Variants in FHIP1A observed in about 807,000 individuals in gnomAD.
FHIP1A encodes FHF complex subunit HOOK-interacting protein 1A.
A neutral mutation model predicts 88.6 loss-of-function variants in FHIP1A; 61 were observed. That is an observed-to-expected ratio of 0.69 (90% CI 0.56 to 0.85). The LOEUF (loss-of-function observed/expected upper bound fraction) is 0.85, where lower values mean the gene tolerates loss of function less well. Ranked by LOEUF, FHIP1A falls within the 40% of genes least tolerant of loss-of-function variation. FHIP1A has a pLI of 0.00. For missense variants in FHIP1A, 1,154 were observed against 1,273.5 expected (o/e 0.91, Z 1.43); for synonymous variants, 478 against 496.0 (o/e 0.96, Z 0.48).
At chr4:151,452,145 A>G (rs911032731) in intron 1 of FHIP1A, among the ~76,000 whole-genome samples, 2 of 152,208 alleles carry the variant, frequency 1.3e-5, no homozygotes, top group Non-Finnish European at 2.9e-5. Context: ...TTTTCAAGTT[A>G]AACCTCAACA....
chr4:151,424,113 G>A lies in FHIP1A; in HGVS notation c.-356+14648G>A, dbSNP rs142128939. ...GTGTCAGTTTTCTCCACATTTTGGG[G>A]TGTGGCTGCAGCAAGCCAGAGATCA... is the stretch of plus-strand genomic sequence containing the variant. On this transcript the variant is annotated intron_variant, in intron 1 of 13. Transcript: ENST00000435205. Among the ~76,000 whole-genome samples, 1,488 of 152,218 alleles carry A rather than the reference G, an allele frequency of 9.8e-3. 13 individuals are homozygous for A. Among genetic ancestry groups the A allele is most frequent in the Non-Finnish European group, 0.017 (1,138 of 68,004 alleles).
intron 1 of FHIP1A, among the ~76,000 whole-genome samples, chr4:151,447,386 T>C (rs1292736607): frequency 6.6e-6 from 1 of 152,134 alleles, no homozygotes; most frequent in Admixed American, 6.6e-5. Context: ...TTGTAAACAT[T>C]TGGAATGTTT....
chr4:151,478,267 CATTT>C (rs1217108693), intron 2 of FHIP1A, among the ~76,000 whole-genome samples: 2 of 152,094 alleles, frequency 1.3e-5, no homozygotes, highest in Non-Finnish European at 2.9e-5. Context: ...GTGTAAAAAA[CATTT>C]ATACAAGATG....
At chr4:151,480,518 C>T (rs1432249498) in intron 2 of FHIP1A, among the ~76,000 whole-genome samples, 1 of 151,930 alleles carries the variant, frequency 6.6e-6, no homozygotes, top group Non-Finnish European at 1.5e-5. Context: ...CTGTATCTCT[C>T]CAGCACATGA....
At chr4:151,503,897 C>A (rs1283720918) in intron 3 of FHIP1A, among the ~76,000 whole-genome samples, 1 of 152,174 alleles carries the variant, frequency 6.6e-6, no homozygotes, top group Non-Finnish European at 1.5e-5. Context: ...CTGTTCCCAT[C>A]CTTAGGAATC....
chr4:151,514,907 A>G (rs1183743076), intron 3 of FHIP1A, among the ~76,000 whole-genome samples: 1 of 152,146 alleles, frequency 6.6e-6, no homozygotes, highest in East Asian at 1.9e-4. Flanking sequence ...CCTTCTGAAA[A>G]TATTCCAATC....
intron 5 of FHIP1A, among the ~76,000 whole-genome samples, chr4:151,580,920 C>T (rs559418541): frequency 1.1e-4 from 16 of 152,250 alleles, no homozygotes; most frequent in African/African-American, 3.9e-4. Context: ...TGCAGTGGTG[C>T]GATCTCGGCT....
intron 3 of FHIP1A, among the ~76,000 whole-genome samples, chr4:151,540,981 A>T (rs1398689830): frequency 6.6e-6 from 1 of 152,218 alleles, no homozygotes; most frequent in Non-Finnish European, 1.5e-5. Flanking sequence ...CAGTAGAATA[A>T]TATCCTCGTG....
chr4:151,460,149 AC>A (rs1729098312), intron 2 of FHIP1A, among the ~76,000 whole-genome samples: 1 of 152,156 alleles, frequency 6.6e-6, no homozygotes, highest in South Asian at 2.1e-4. Context: ...ATACCAACAT[AC>A]TGTTTATTTA....
chr4:151,493,936 C>T (rs1202255233), intron 3 of FHIP1A, among the ~76,000 whole-genome samples: 1 of 152,132 alleles, frequency 6.6e-6, no homozygotes, highest in Non-Finnish European at 1.5e-5. Flanking sequence ...CCCACTTTCA[C>T]CACTTCTATT....
At chr4:151,496,673 C>G (rs141752055) in intron 3 of FHIP1A, among the ~76,000 whole-genome samples, 104 of 147,670 alleles carry the variant, frequency 7.0e-4, no homozygotes, top group Admixed American at 1.5e-3. Flanking sequence ...CCATCTCAGT[C>G]ACTCTAGTAG....
At chr4:151,488,032 G>A (rs907799531) in intron 3 of FHIP1A, among the ~76,000 whole-genome samples, 1 of 152,078 alleles carries the variant, frequency 6.6e-6, no homozygotes, top group Non-Finnish European at 1.5e-5. Context: ...TCATTGTAAG[G>A]GTTCTGGTCC....
At chr4:151,558,682 C>T (rs901865423) in intron 3 of FHIP1A, among the ~76,000 whole-genome samples, 12 of 152,138 alleles carry the variant, frequency 7.9e-5, no homozygotes, top group African/African-American at 1.9e-4. Context: ...TTACTTTGAC[C>T]GATTTCGTTG....
rs180834378 is a variant in FHIP1A at position 151,590,482 on chromosome 4, C to G, written c.978+1556C>G. On this transcript the variant is annotated intron_variant, in intron 7 of 13. Coordinates refer to ENST00000435205, the MANE Select transcript of FHIP1A (RefSeq NM_001109977.3). ...TACTGGTCACCACACACTACTTCTT[C>G]ATATCACTTAGTACAGGTAAAGTTA... 1.2e-3 allele frequency among the ~76,000 whole-genome samples: 188 copies of G among 152,338 alleles called. 3 individuals are homozygous for G. Among genetic ancestry groups the G allele is most frequent in the Admixed American group, 0.012 (186 of 15,302 alleles).
chr4:151,605,048 C>G (rs1735019872), intron 7 of FHIP1A, among the ~76,000 whole-genome samples: 2 of 152,030 alleles, frequency 1.3e-5, no homozygotes, highest in African/African-American at 4.8e-5. Context: ...GTTTCAGGAT[C>G]CTGGGCTGGT....
chr4:151,619,013 C>T (rs1267868228), intron 7 of FHIP1A, among the ~76,000 whole-genome samples: 1 of 152,136 alleles, frequency 6.6e-6, no homozygotes, highest in Non-Finnish European at 1.5e-5. Context: ...AAAGGATGGC[C>T]TGGCTTTGAT....
intron 1 of FHIP1A, among the ~76,000 whole-genome samples, chr4:151,422,251 C>T (rs1452148901): frequency 4.0e-5 from 6 of 151,520 alleles, no homozygotes; most frequent in Non-Finnish European, 7.4e-5. Context: ...ACTCTTTCCC[C>T]ACATAAGAAT....
At chr4:151,541,978 T>C (rs903733388) in intron 3 of FHIP1A, among the ~76,000 whole-genome samples, 48 of 152,244 alleles carry the variant, frequency 3.2e-4, no homozygotes, top group African/African-American at 1.1e-3. Flanking sequence ...GCCTGTGCAC[T>C]GGGAGGATGG....
intron 1 of FHIP1A, among the ~76,000 whole-genome samples, chr4:151,442,182 T>C (rs111784148): frequency 0.012 from 1,768 of 152,268 alleles, 27 homozygotes; most frequent in African/African-American, 0.041. Flanking sequence ...GCCAAGATTA[T>C]GTGCCGCGTG....
Sources: gnomAD v4.1 joint callset for allele counts (sites outside exome capture counted in the v4.1 genomes callset) on GRCh38, gnomAD v4.1.1 for gene constraint, MANE v1.5 for transcripts, NCBI Gene and HGNC (gene_info 2026-07-23, HGNC 2026-07-21) for gene names.